Variants in SYT7 observed in about 807,000 individuals in gnomAD.
SYT7 encodes the protein synaptotagmin 7, also known as synaptotagmin-7.
In SYT7, 29 loss-of-function variants were observed where a neutral mutation model predicts 75.1. That is an observed-to-expected ratio of 0.39 (90% CI 0.29 to 0.53). The LOEUF (loss-of-function observed/expected upper bound fraction) is 0.53, where lower values mean the gene tolerates loss of function less well. SYT7 is among the 20% of genes least tolerant of loss of function. The probability of loss-of-function intolerance (pLI) is 0.77; values close to 1 mark genes in which losing one functional copy is unlikely to be tolerated. For synonymous variants in SYT7, 376 were observed against 401.7 expected (o/e 0.94, Z 0.76); for missense variants, 693 against 953.2 (o/e 0.73, Z 3.59).
chr11:61,520,458 C>T (rs1008785111), intron 12 of SYT7, among the ~76,000 whole-genome samples: 4 of 151,450 alleles, frequency 2.6e-5, no homozygotes, highest in East Asian at 1.9e-4. Context: ...CTGGGGAGGT[C>T]GAGGCTGCAG....
chr11:61,581,651 C>T (rs1027901805), upstream of SYT7, among the ~76,000 whole-genome samples: 5 of 152,254 alleles, frequency 3.3e-5, no homozygotes, highest in African/African-American at 1.2e-4. Context: ...CAAGCTCGCA[C>T]ACAGGTGGAG....
chr11:61,552,807 T>A (rs1396555870), intron 2 of SYT7, among the ~76,000 whole-genome samples: 1 of 152,208 alleles, frequency 6.6e-6, no homozygotes, highest in Admixed American at 6.5e-5. Flanking sequence ...GTGTCTTCCC[T>A]TCTCTGGCCT....
chr11:61,525,356 C>T (rs554549187), intron 9 of SYT7, among the ~76,000 whole-genome samples: 48 of 152,140 alleles, frequency 3.2e-4, no homozygotes, highest in Non-Finnish European at 5.1e-4. Context: ...CAATTTGGCC[C>T]GGCTGTCCTC....
At chr11:61,540,226 G>C (rs2063001781) in intron 6 of SYT7, 1 of 152,198 alleles carries the variant, frequency 6.6e-6, no homozygotes, top group Non-Finnish European at 1.5e-5. Flanking sequence ...CCATCAAGCA[G>C]AGGGCTGCTG....
At chr11:61,577,089 C>T (rs146959486) in intron 1 of SYT7, among the ~76,000 whole-genome samples, 35 of 152,300 alleles carry the variant, frequency 2.3e-4, no homozygotes, top group African/African-American at 7.9e-4. Context: ...AGCCCTCAAG[C>T]GGGCAGCTTG....
In SYT7 at chr11:61,553,077, C is replaced by T. The variant is rs546026314; in HGVS notation, c.136-1614G>A. ...ACCCTGGAGTCTGGGCCCCCAGCAGCGACCTCTAAGTCAGAACTTTAAGAG... is the reference window on the plus strand; with the variant it reads ...ACCCTGGAGTCTGGGCCCCCAGCAGTGACCTCTAAGTCAGAACTTTAAGAG... On this transcript the variant is annotated intron_variant, in intron 2 of 12. Coordinates refer to ENST00000539008, the MANE Select transcript of SYT7 (RefSeq NM_001365809.2). This position sits in a 1 kb window ranked among gnomAD's most constrained non-coding sequence, Gnocchi z 5.2. Among the ~76,000 whole-genome samples, 4 of 152,108 alleles carry T rather than the reference C, an allele frequency of 2.6e-5. No homozygotes were observed. Among genetic ancestry groups the T allele is most frequent in the Non-Finnish European group, 4.4e-5 (3 of 68,016 alleles).
intron 1 of SYT7, among the ~76,000 whole-genome samples, chr11:61,561,853 G>A (rs2063643184): frequency 6.6e-6 from 1 of 152,084 alleles, no homozygotes; most frequent in Admixed American, 6.6e-5. Flanking sequence ...CTGACACACG[G>A]GGGGTGCTCA....
intron 1 of SYT7, among the ~76,000 whole-genome samples, chr11:61,575,171 A>G (rs891423324): frequency 6.6e-6 from 1 of 152,030 alleles, no homozygotes; most frequent in Non-Finnish European, 1.5e-5. Context: ...GCTAGAGTTC[A>G]GACCTCTCCC....
At chr11:61,552,185 G>A (rs368779484) in intron 2 of SYT7, among the ~76,000 whole-genome samples, 3 of 152,138 alleles carry the variant, frequency 2.0e-5, no homozygotes, top group African/African-American at 4.8e-5. Flanking sequence ...AGGAAGGGCC[G>A]TGGCCACAGC....
intron 1 of SYT7, among the ~76,000 whole-genome samples, chr11:61,566,252 T>C (rs1167770390): frequency 6.6e-6 from 1 of 152,212 alleles, no homozygotes; most frequent in Non-Finnish European, 1.5e-5. Flanking sequence ...GAGGTGATGG[T>C]ATCTTCTGCT....
Position 61,556,131 on chromosome 11 carries a change from G to T in SYT7, c.108C>A (p.Gly36=). The stretch of plus-strand genomic sequence containing the variant: ...GTTTGCGCTGACACCAGTGGCAGAG[G>T]CCGCAGAGGACGACAGTGACGCTAA... ...VSLSVTVVLC[G]LCHWCQRKLG... is the part of the protein sequence containing the mutation. The change falls in exon 2 of 13, where the codon GGC becomes GGA. Residue 36 remains glycine, a synonymous_variant. Transcript: ENST00000539008. The T allele has an allele frequency of 6.2e-7, 1 of 1,614,006 alleles. No homozygotes were observed. The highest frequency in any genetic ancestry group is 2.2e-5 in the East Asian group (1 of 44,854).
intron 8 of SYT7, among the ~76,000 whole-genome samples, chr11:61,531,650 T>C (rs1008473911): frequency 6.6e-6 from 1 of 151,642 alleles, no homozygotes; most frequent in Admixed American, 6.6e-5. Flanking sequence ...TCACAGCACT[T>C]TGGGAGGCCG....
chr11:61,517,266 G>C lies in SYT7; in HGVS notation c.*1361C>G, dbSNP rs1420467100. On this transcript the variant is annotated 3_prime_UTR_variant, in exon 13 of 13. Coordinates refer to ENST00000539008, the MANE Select transcript of SYT7 (RefSeq NM_001365809.2). ...ATCTGCCGTCTCCAAGGGGAAGCCA[G>C]TTTTAGTCTCATCAGTGGCCGAGGC... is the stretch of plus-strand genomic sequence containing the variant. 7.5e-6 allele frequency: 3 copies of C among 398,630 alleles called. No homozygotes were observed. The highest frequency in any genetic ancestry group is 1.3e-5 in the Non-Finnish European group (3 of 226,128). 24.7% of individuals were successfully genotyped at this position (398,630 alleles called of 1,614,324 possible). A position where few individuals can be genotyped will look rare whatever the true frequency, so the allele number is the denominator to read the frequency against.
chr11:61,560,979 G>A (rs759327584), intron 1 of SYT7, among the ~76,000 whole-genome samples: 7 of 152,166 alleles, frequency 4.6e-5, no homozygotes, highest in Non-Finnish European at 7.4e-5. Context: ...TGCCAGGAAC[G>A]AGCTGGCTGC....
intron 1 of SYT7, among the ~76,000 whole-genome samples, chr11:61,569,986 A>C (rs2063878315): frequency 6.6e-6 from 1 of 151,946 alleles, no homozygotes; most frequent in Non-Finnish European, 1.5e-5. Context: ...CAGCCAGCTG[A>C]CCTCCCTCCC....
chr11:61,536,751 A>G (rs2062881388), intron 7 of SYT7, among the ~76,000 whole-genome samples: 1 of 152,168 alleles, frequency 6.6e-6, no homozygotes, highest in Non-Finnish European at 1.5e-5. Flanking sequence ...GGTCTCCAGG[A>G]GCCACCAGAG....
At chr11:61,579,714 A>T (rs973746428) in intron 1 of SYT7, among the ~76,000 whole-genome samples, 1 of 152,210 alleles carries the variant, frequency 6.6e-6, no homozygotes, top group Non-Finnish European at 1.5e-5. Context: ...CCTTCCCTAC[A>T]GCACCGCCGC....
At position 61,548,753 on chromosome 11, in the gene SYT7, C is replaced by G. The variant is rs201722023; in HGVS notation, c.216-1445G>C. ...TTAGAATTTGACCTTGACCTTGGTTCTCAACCTCAGACTCAGGCACAAAAG... is the reference window on the plus strand; with the variant it reads ...TTAGAATTTGACCTTGACCTTGGTTGTCAACCTCAGACTCAGGCACAAAAG... On this transcript the variant is annotated intron_variant, in intron 3 of 12. Coordinates refer to ENST00000539008, the MANE Select transcript of SYT7 (RefSeq NM_001365809.2). Among the ~76,000 whole-genome samples, 41 of 152,314 alleles carry G rather than the reference C, an allele frequency of 2.7e-4. 1 individual carries two copies. The East Asian group carries it at 6.9e-3, about 26-fold the overall frequency.
chr11:61,551,367 A>G lies in SYT7; in HGVS notation c.215+17T>C, dbSNP rs781277845. On this transcript the variant is annotated intron_variant, in intron 3 of 12. Transcript: ENST00000539008. The surrounding 1 kb of genome is among the most constrained non-coding windows in gnomAD (Gnocchi z 5.3). ...TGCTTGTGTGGCCCCATCCCAAACT[A>G]GCAGCCTGGCACCTACTTGATAGCC... The G allele has an allele frequency of 6.2e-7, 1 of 1,613,302 alleles. No homozygotes were observed. Among genetic ancestry groups the G allele is most frequent in the South Asian group, 1.1e-5 (1 of 91,056 alleles).
Sources: allele counts gnomAD v4.1 joint callset (sites outside exome capture counted in the v4.1 genomes callset), GRCh38; gene constraint gnomAD v4.1.1; non-coding constraint Gnocchi (gnomAD v3.1); transcripts MANE v1.5; gene names NCBI Gene and HGNC (gene_info 2026-07-23, HGNC 2026-07-21).